Variants in CEP63 observed in about 807,000 individuals in gnomAD.
CEP63 encodes the protein centrosomal protein 63.
Under a neutral mutation model 89.1 loss-of-function variants are expected in CEP63, and 84 were observed. The ratio of observed to expected loss-of-function variants is 0.94; its 90% CI spans 0.79 to 1.13. CEP63 has a LOEUF of 1.13. CEP63 is among the 50% of genes most tolerant of loss of function. The pLI, the probability that CEP63 is intolerant of heterozygous loss-of-function variation, is 0.00. For synonymous variants in CEP63, 267 were observed against 272.5 expected (o/e 0.98, Z 0.20); for missense variants, 838 against 813.3 (o/e 1.03, Z -0.37).
intron 12 of CEP63, 103 bp downstream of exon 12, chr3:134,552,115 C>A: frequency 3.1e-6 from 2 of 650,626 alleles, no homozygotes; most frequent in Non-Finnish European, 5.3e-6. Context: ...AACTTAGATC[C>A]TTTTGCAGAA....
chr3:134,778,953 C>T, the CEP63 span, among the ~76,000 whole-genome samples: 9 of 152,112 alleles, frequency 5.9e-5, no homozygotes, highest in African/African-American at 9.7e-5. Flanking sequence ...TGCTGAGCAG[C>T]GAAATTGTAA....
chr3:134,746,347 G>A, the CEP63 span, among the ~76,000 whole-genome samples: 1 of 152,116 alleles, frequency 6.6e-6, no homozygotes, highest in African/African-American at 2.4e-5. Flanking sequence ...TTGGTTCCAA[G>A]TCTTTGCTAT....
chr3:134,747,708 A>AG, the CEP63 span, among the ~76,000 whole-genome samples: 29 of 152,154 alleles, frequency 1.9e-4, no homozygotes, highest in African/African-American at 6.0e-4. Context: ...TCTGGAAGAA[A>AG]GGGGGGGAGA....
Position 134,558,131 on chromosome 3 carries a change from T to G in CEP63, c.1468-11T>G. The G allele has an allele frequency of 2.5e-6, 4 of 1,606,562 alleles. No individual in the cohort carries two copies. Among genetic ancestry groups the G allele is most frequent in the Non-Finnish European group, 3.4e-6 (4 of 1,173,592 alleles). ...TACAGATTAAGTGACTCTAGTATTC[T>G]TTTTTATTAGGCAAAAGAGATTTCA... On this transcript the variant is annotated splice_polypyrimidine_tract_variant and intron_variant, in intron 12 of 14. Coordinates refer to ENST00000675561, the MANE Select transcript of CEP63 (RefSeq NM_001353108.3).
At chr3:134,500,451 A>G (rs780069146) in intron 2 of CEP63, among the ~76,000 whole-genome samples, 8 of 152,138 alleles carry the variant, frequency 5.3e-5, no homozygotes, top group Non-Finnish European at 8.8e-5. Flanking sequence ...CTTCGAGTAT[A>G]TACCTGGTAA....
At chr3:134,654,809 G>A in the CEP63 span, among the ~76,000 whole-genome samples, 1 of 152,254 alleles carries the variant, frequency 6.6e-6, no homozygotes. Flanking sequence ...AGGAACTGGA[G>A]CCATTCCCTC....
At chr3:134,513,116 T>C (rs1375748894) in intron 3 of CEP63, among the ~76,000 whole-genome samples, 3 of 152,180 alleles carry the variant, frequency 2.0e-5, no homozygotes, top group Non-Finnish European at 4.4e-5. Context: ...CCACCGTGGA[T>C]AGGTTGCTTT....
rs1553770392 is a variant in CEP63, at chr3:134,538,533, G to GTGTGTATATATATA, written c.555+1266_555+1267insGTGTATATATATAT. ...ACCTAATAAGAAATTGTGTGTGTGT[G>GTGTGTATATATATA]TATATATATATATATATATATGTAT... On this transcript the variant is annotated intron_variant, in intron 6 of 14. Transcript: ENST00000675561. Among the ~76,000 whole-genome samples, 20 of 101,366 alleles carry GTGTGTATATATATA rather than the reference G, an allele frequency of 2.0e-4. 1 individual carries two copies. The highest frequency in any genetic ancestry group is 5.1e-4 in the African/African-American group (17 of 33,076). The allele number at this position is 101,366 out of a possible 152,430, so 66.5% of individuals were successfully genotyped here. A position where few individuals can be genotyped will look rare whatever the true frequency, so the allele number is the denominator to read the frequency against.
chr3:134,715,837 T>G, the CEP63 span, among the ~76,000 whole-genome samples: 1 of 152,172 alleles, frequency 6.6e-6, no homozygotes, highest in South Asian at 2.1e-4. Context: ...TCTCTTTCCA[T>G]GACTAGATAC....
chr3:134,549,218 T>C (rs554922654), intron 10 of CEP63, 42 bp downstream of exon 10: 36 of 1,229,394 alleles, frequency 2.9e-5, no homozygotes, highest in Admixed American at 1.2e-4. Context: ...TGTATGTGTT[T>C]ATGGACAAAG....
chr3:134,616,119 T>G, the CEP63 span, among the ~76,000 whole-genome samples: 2 of 152,076 alleles, frequency 1.3e-5, no homozygotes, highest in East Asian at 3.9e-4. Flanking sequence ...TTAGGCAGAA[T>G]CAACTAAGGA....
At chr3:134,771,598 G>A in the CEP63 span, among the ~76,000 whole-genome samples, 1 of 152,274 alleles carries the variant, frequency 6.6e-6, no homozygotes, top group East Asian at 1.9e-4. Flanking sequence ...GAATGACCAG[G>A]ATAGTGTATG....
chr3:134,507,426 T>G (rs1025123795), intron 3 of CEP63, 140 bp downstream of exon 3: 1 of 647,770 alleles, frequency 1.5e-6, no homozygotes, highest in African/African-American at 1.8e-5. Context: ...GCTGTTTTAT[T>G]TTAGAAGAAA....
chr3:134,635,910 C>T, the CEP63 span, among the ~76,000 whole-genome samples: 2 of 152,192 alleles, frequency 1.3e-5, no homozygotes, highest in South Asian at 2.1e-4. Context: ...TTTTTCATAA[C>T]CTGCTTTCTT....
chr3:134,492,550 A>C (rs1938065921), intron 1 of CEP63, among the ~76,000 whole-genome samples: 1 of 150,010 alleles, frequency 6.7e-6, no homozygotes, highest in African/African-American at 2.5e-5. Flanking sequence ...CTCACATAGG[A>C]TATTACTGGT....
chr3:134,602,129 G>A, the CEP63 span, among the ~76,000 whole-genome samples: 1 of 152,186 alleles, frequency 6.6e-6, no homozygotes, highest in Non-Finnish European at 1.5e-5. Context: ...TGGCTCTCAG[G>A]GGTTGGGGGG....
chr3:134,699,174 CTG>C, the CEP63 span, among the ~76,000 whole-genome samples: 17 of 152,244 alleles, frequency 1.1e-4, no homozygotes, highest in Admixed American at 2.6e-4. Context: ...CTAATCACCT[CTG>C]TATCCCCTGT....
intron 12 of CEP63, 39 bp downstream of exon 12, chr3:134,552,051 C>G (rs767235056): frequency 1.2e-5 from 13 of 1,089,000 alleles, no homozygotes; most frequent in Non-Finnish European, 1.8e-5. Context: ...ACTATCCAAG[C>G]CTTCAAAAAA....
At chr3:134,567,525 A>G (rs1957830850), downstream of CEP63, among the ~76,000 whole-genome samples, 4 of 150,516 alleles carry the variant, frequency 2.7e-5, no homozygotes, top group South Asian at 4.2e-4. Context: ...TCAAGTTTAT[A>G]TTAAGGGAAT....
Sources: gnomAD v4.1 joint callset for allele counts (sites outside exome capture counted in the v4.1 genomes callset) on GRCh38, gnomAD v4.1.1 for gene constraint, MANE v1.5 for transcripts, NCBI Gene and HGNC (gene_info 2026-07-23, HGNC 2026-07-21) for gene names.